Variants in SGCZ observed in about 807,000 individuals in gnomAD.
SGCZ encodes the protein zeta-sarcoglycan.
Under a neutral mutation model 41.3 loss-of-function variants are expected in SGCZ, and 40 were observed. The ratio of observed to expected loss-of-function variants is 0.97; its 90% CI spans 0.75 to 1.26. The LOEUF is 1.26. SGCZ is among the 50% of genes most tolerant of loss of function. SGCZ has a pLI of 0.00. For synonymous variants in SGCZ, 206 were observed against 137.5 expected, an observed-to-expected ratio of 1.50 and a Z score of -3.49; for missense variants, 552 against 369.8, an observed-to-expected ratio of 1.49 and a Z score of -4.04.
intron 7 of SGCZ, among the ~76,000 whole-genome samples, chr8:14,091,712 G>C (rs1280943869): frequency 6.6e-6 from 1 of 152,076 alleles, no homozygotes; most frequent in Non-Finnish European, 1.5e-5. Flanking sequence ...TAAGTTCTTT[G>C]TAGGTTCTGG....
In SGCZ at chr8:14,589,994, C is replaced by T. The variant is rs369640289; in HGVS notation, c.40-35068G>A. 9.2e-5 allele frequency among the ~76,000 whole-genome samples: 14 copies of T among 152,162 alleles called. No individual in the cohort carries two copies. The East Asian group carries it at 1.2e-3, about 13-fold the overall frequency. ...ATTATGAAGCCAACTCTTTGCCCTA[C>T]GGAGTGATTCAACTGACCTGGCTGA... On this transcript the variant is annotated intron_variant, in intron 1 of 7. Coordinates refer to ENST00000382080, the MANE Select transcript of SGCZ (RefSeq NM_139167.4).
At chr8:14,428,384 ATTAACT>A (rs1799849277) in intron 2 of SGCZ, among the ~76,000 whole-genome samples, 1 of 152,066 alleles carries the variant, frequency 6.6e-6, no homozygotes, top group South Asian at 2.1e-4. Context: ...TTTGACTTAC[ATTAACT>A]TTATTATTAC....
rs113034252 is a variant in SGCZ, at chr8:14,133,887, T to C, written c.548-25652A>G. ...TCCAGTTTTGTGTAACTTATTTCCC[T>C]TTTCCAACATTGACTACTTAATAAA... On this transcript the variant is annotated intron_variant, in intron 5 of 7. Transcript: ENST00000382080. 4.1e-4 allele frequency among the ~76,000 whole-genome samples: 63 copies of C among 152,322 alleles called. 2 individuals carry two copies. Among genetic ancestry groups the C allele is most frequent in the African/African-American group, 1.4e-3 (57 of 41,584 alleles).
At chr8:15,122,997 T>A (rs12056546) in intron 1 of SGCZ, among the ~76,000 whole-genome samples, 3,021 of 152,278 alleles carry the variant, frequency 0.02, 73 homozygotes, top group East Asian at 0.11. Flanking sequence ...GTAAGTAAAC[T>A]GACCTAAAAA....
At chr8:14,618,600 G>C (rs1014147983) in intron 1 of SGCZ, among the ~76,000 whole-genome samples, 2 of 152,160 alleles carry the variant, frequency 1.3e-5, no homozygotes, top group African/African-American at 4.8e-5. Context: ...TCATTCAAAA[G>C]ACTTTATCTT....
At chr8:14,769,287 G>A (rs1473816600) in intron 1 of SGCZ, among the ~76,000 whole-genome samples, 1 of 151,872 alleles carries the variant, frequency 6.6e-6, no homozygotes, top group African/African-American at 2.4e-5. Flanking sequence ...ATTCACAAGG[G>A]GCTTATCATG....
intron 4 of SGCZ, among the ~76,000 whole-genome samples, chr8:14,172,769 T>G (rs186152979): frequency 9.0e-4 from 137 of 152,174 alleles, no homozygotes; most frequent in Non-Finnish European, 1.7e-3. Context: ...GAAATTGATA[T>G]GGACAGAATT....
chr8:14,091,184 G>T (rs1801678776), intron 7 of SGCZ, among the ~76,000 whole-genome samples: 1 of 151,458 alleles, frequency 6.6e-6, no homozygotes, highest in African/African-American at 2.4e-5. Flanking sequence ...TTTTATGGCT[G>T]CATAGTATTC....
intron 4 of SGCZ, among the ~76,000 whole-genome samples, chr8:14,186,138 G>A (rs189151679): frequency 1.5e-3 from 226 of 152,252 alleles, no homozygotes; most frequent in African/African-American, 5.3e-3. Flanking sequence ...CTTGTCTCAG[G>A]TTCCTTTTCT....
At chr8:14,785,856 T>G (rs1160939048) in intron 1 of SGCZ, among the ~76,000 whole-genome samples, 1 of 152,056 alleles carries the variant, frequency 6.6e-6, no homozygotes, top group Non-Finnish European at 1.5e-5. Flanking sequence ...TTTCTTACTT[T>G]CTCCCAAGGC....
intron 1 of SGCZ, among the ~76,000 whole-genome samples, chr8:14,964,017 TA>T (rs1157913604): frequency 3.3e-5 from 5 of 152,208 alleles, no homozygotes; most frequent in Admixed American, 2.6e-4. Flanking sequence ...CCTTCTCCTT[TA>T]AATCCTATGC....
intron 1 of SGCZ, among the ~76,000 whole-genome samples, chr8:15,128,289 G>T (rs1444875639): frequency 6.6e-6 from 1 of 152,152 alleles, no homozygotes; most frequent in African/African-American, 2.4e-5. Context: ...GAAATGCTGG[G>T]TTCCCAAAAC....
intron 1 of SGCZ, among the ~76,000 whole-genome samples, chr8:15,222,012 T>C (rs1376720789): frequency 6.6e-6 from 1 of 152,210 alleles, no homozygotes; most frequent in Admixed American, 6.5e-5. Flanking sequence ...AATTACATCA[T>C]AAAATTATTT....
At chr8:15,105,497 G>A (rs191133213) in intron 1 of SGCZ, among the ~76,000 whole-genome samples, 4 of 151,920 alleles carry the variant, frequency 2.6e-5, no homozygotes, top group Admixed American at 2.0e-4. Flanking sequence ...TGGAGCAGGA[G>A]AGAGAGAGAG....
At chr8:14,497,641 A>C (rs967809060) in intron 2 of SGCZ, among the ~76,000 whole-genome samples, 3 of 151,908 alleles carry the variant, frequency 2.0e-5, no homozygotes, top group African/African-American at 7.3e-5. Flanking sequence ...AGTGTATTTT[A>C]TGTGTGGCCC....
intron 1 of SGCZ, among the ~76,000 whole-genome samples, chr8:14,756,421 G>T (rs894678153): frequency 1.3e-5 from 2 of 152,108 alleles, no homozygotes; most frequent in Non-Finnish European, 1.5e-5. Flanking sequence ...CCGACCTCAG[G>T]TGATCCGCCC....
intron 1 of SGCZ, among the ~76,000 whole-genome samples, chr8:14,963,646 G>C (rs986687453): frequency 1.3e-5 from 2 of 152,098 alleles, no homozygotes; most frequent in African/African-American, 2.4e-5. Flanking sequence ...CTGTTGCCTG[G>C]CCTAAATTCA....
chr8:15,203,916 T>C (rs1453800448), intron 1 of SGCZ, among the ~76,000 whole-genome samples: 2 of 152,244 alleles, frequency 1.3e-5, no homozygotes, highest in Non-Finnish European at 2.9e-5. Flanking sequence ...ATATAGCTTT[T>C]GCCTCAAAAC....
intron 1 of SGCZ, among the ~76,000 whole-genome samples, chr8:14,949,974 C>T (rs896568300): frequency 6.6e-6 from 1 of 151,768 alleles, no homozygotes; most frequent in African/African-American, 2.4e-5. Flanking sequence ...TAAGAGTAAC[C>T]AATAATAAAA....
Sources: allele counts gnomAD v4.1 joint callset (sites outside exome capture counted in the v4.1 genomes callset), GRCh38; gene constraint gnomAD v4.1.1; transcripts MANE v1.5; gene names NCBI Gene and HGNC (gene_info 2026-07-23, HGNC 2026-07-21).